The following FBXL17 variants were observed in gnomAD, a reference collection of about 807,000 sequenced individuals.
The protein encoded by FBXL17 is F-box and leucine rich repeat protein 17, also known as F-box/LRR-repeat protein 17.
Under a neutral mutation model 66.2 loss-of-function variants are expected in FBXL17, and 22 were observed. The observed-to-expected ratio is 0.33, with a 90% CI of 0.24 to 0.47. The LOEUF (loss-of-function observed/expected upper bound fraction) is 0.47. Ranked by LOEUF, FBXL17 falls within the 20% of genes least tolerant of loss-of-function variation. The pLI, the probability that FBXL17 is intolerant of heterozygous loss-of-function variation, is 1.00. For synonymous variants in FBXL17, 474 were observed against 400.5 expected, an observed-to-expected ratio of 1.18 and a Z score of -2.19; for missense variants, 878 against 948.2, an observed-to-expected ratio of 0.93 and a Z score of 0.97.
At position 108,307,500 on chromosome 5, in the gene FBXL17, G is replaced by T. The variant is rs536513573; in HGVS notation, c.1506+40899C>A. ...TTTTTAATTTTTTTGTAGACACAGG[G>T]TCTCACTATATTGCCCTGGGTAGTC... On this transcript the variant is annotated intron_variant, in intron 4 of 8. Coordinates refer to ENST00000542267, the MANE Select transcript of FBXL17 (RefSeq NM_001163315.3). Among the ~76,000 whole-genome samples, 13 of 152,008 alleles carry T rather than the reference G, an allele frequency of 8.6e-5. No individual in the cohort carries two copies. In the East Asian group the frequency reaches 2.5e-3, roughly 30 times the overall value.
intron 6 of FBXL17, among the ~76,000 whole-genome samples, chr5:108,152,322 C>G (rs1344488975): frequency 6.6e-6 from 1 of 152,204 alleles, no homozygotes; most frequent in African/African-American, 2.4e-5. Context: ...GTCATTTCTA[C>G]TTAACTGGTG....
At chr5:108,265,722 T>C (rs1034487060) in intron 4 of FBXL17, among the ~76,000 whole-genome samples, 2 of 151,798 alleles carry the variant, frequency 1.3e-5, no homozygotes, top group Admixed American at 1.3e-4. Flanking sequence ...GTTTTCTTTT[T>C]TGTTTGAGAA....
intron 7 of FBXL17, among the ~76,000 whole-genome samples, chr5:107,888,089 T>C (rs957828261): frequency 2.0e-5 from 3 of 152,230 alleles, no homozygotes; most frequent in African/African-American, 7.2e-5. Flanking sequence ...CTATTATCTA[T>C]AGTAAACTGT....
At chr5:108,158,075 C>T (rs1752063310) in intron 6 of FBXL17, among the ~76,000 whole-genome samples, 1 of 151,956 alleles carries the variant, frequency 6.6e-6, no homozygotes, top group Non-Finnish European at 1.5e-5. Flanking sequence ...GGTAAAAATC[C>T]TAGAGAAGAC....
chr5:107,890,977 G>C (rs1749179613), intron 7 of FBXL17, among the ~76,000 whole-genome samples: 1 of 152,132 alleles, frequency 6.6e-6, no homozygotes, highest in Non-Finnish European at 1.5e-5. Flanking sequence ...TGTGGAGCTT[G>C]TATTCTGAAT....
At chr5:108,047,603 C>T (rs975362446) in intron 6 of FBXL17, among the ~76,000 whole-genome samples, 1 of 152,178 alleles carries the variant, frequency 6.6e-6, no homozygotes, top group Non-Finnish European at 1.5e-5. Flanking sequence ...TTTTCCCTTG[C>T]TGGAGCCAGG....
intron 7 of FBXL17, among the ~76,000 whole-genome samples, chr5:107,883,025 T>C (rs1748841435): frequency 1.3e-5 from 2 of 152,322 alleles, no homozygotes; most frequent in South Asian, 2.1e-4. Context: ...TCTTTTGACT[T>C]ACTACTATTT....
chr5:107,977,414 T>C (rs1752623313), intron 7 of FBXL17, among the ~76,000 whole-genome samples: 1 of 152,202 alleles, frequency 6.6e-6, no homozygotes, highest in Admixed American at 6.5e-5. Context: ...TCTTGCAAGG[T>C]TGGTATTATT....
chr5:107,919,000 C>A (rs182678422), intron 7 of FBXL17, among the ~76,000 whole-genome samples: 35 of 152,286 alleles, frequency 2.3e-4, no homozygotes, highest in Admixed American at 9.2e-4. Flanking sequence ...ACCTGGGTGT[C>A]TGGCAAATAA....
chr5:108,243,223 C>T (rs996502547), intron 4 of FBXL17, among the ~76,000 whole-genome samples: 1 of 152,124 alleles, frequency 6.6e-6, no homozygotes, highest in African/African-American at 2.4e-5. Flanking sequence ...ATTAAAAAGA[C>T]CTATGATAAG....
At chr5:107,962,919 C>A (rs1751975872) in intron 7 of FBXL17, among the ~76,000 whole-genome samples, 1 of 151,896 alleles carries the variant, frequency 6.6e-6, no homozygotes, top group Non-Finnish European at 1.5e-5. Flanking sequence ...ACAATGCATA[C>A]CACCCAAATC....
intron 4 of FBXL17, among the ~76,000 whole-genome samples, chr5:108,342,926 C>A (rs950186589): frequency 1.3e-5 from 2 of 152,158 alleles, no homozygotes; most frequent in Admixed American, 1.3e-4. Flanking sequence ...GAAATCCTAA[C>A]CTCCAAGATG....
chr5:107,967,269 G>A (rs1423833215), intron 7 of FBXL17, among the ~76,000 whole-genome samples: 2 of 151,862 alleles, frequency 1.3e-5, no homozygotes, highest in Admixed American at 6.6e-5. Context: ...CAGTTGCTCA[G>A]TAGGAAACTA....
chr5:108,064,875 C>A (rs766567623), intron 6 of FBXL17, among the ~76,000 whole-genome samples: 55 of 152,176 alleles, frequency 3.6e-4, no homozygotes, highest in Admixed American at 7.2e-4. Context: ...GGCCTTCCTG[C>A]AGCTTCCTTC....
chr5:108,212,106 T>C (rs1754401373), intron 5 of FBXL17, among the ~76,000 whole-genome samples: 1 of 152,166 alleles, frequency 6.6e-6, no homozygotes, highest in African/African-American at 2.4e-5. Context: ...TTTCTTCCAC[T>C]TGATCAGTTC....
At chr5:108,263,924 C>T (rs1756937696) in intron 4 of FBXL17, among the ~76,000 whole-genome samples, 1 of 152,068 alleles carries the variant, frequency 6.6e-6, no homozygotes, top group Non-Finnish European at 1.5e-5. Flanking sequence ...TTTAAAGAAT[C>T]TCTACTTTAT....
At chr5:107,956,134 A>C (rs1751656881) in intron 7 of FBXL17, among the ~76,000 whole-genome samples, 1 of 152,178 alleles carries the variant, frequency 6.6e-6, no homozygotes, top group Non-Finnish European at 1.5e-5. Context: ...CTTCAAGTGA[A>C]AATTATTATG....
chr5:108,381,825 C>T lies in FBXL17; in HGVS notation c.-134G>A, dbSNP rs1362556259. The stretch of plus-strand genomic sequence containing the variant: ...CCCTTCCTGCGCACACACACGCACA[C>T]ACGGGCACACACGCGACGGTGGGGG... On this transcript the variant is annotated 5_prime_UTR_variant, in exon 1 of 9. It adds an upstream start codon to the 5' untranslated region. Transcript: ENST00000542267. 4.6e-6 allele frequency: 6 copies of T among 1,304,678 alleles called. No individual in the cohort carries two copies. The African/African-American group carries it at 9.3e-5, about 20-fold the overall frequency. The allele number at this position is 1,304,678 out of a possible 1,614,324, so 80.8% of individuals were successfully genotyped here. A position where few individuals can be genotyped will look rare whatever the true frequency, so the allele number is the denominator to read the frequency against.
chr5:107,972,968 C>T (rs889524311), intron 7 of FBXL17, among the ~76,000 whole-genome samples: 1 of 152,180 alleles, frequency 6.6e-6, no homozygotes, highest in African/African-American at 2.4e-5. Flanking sequence ...ACCTCTCACC[C>T]CATCTCCATC....
Sources: allele counts gnomAD v4.1 joint callset (sites outside exome capture counted in the v4.1 genomes callset), GRCh38; gene constraint gnomAD v4.1.1; transcripts MANE v1.5; gene names NCBI Gene and HGNC (gene_info 2026-07-23, HGNC 2026-07-21).